The following CELF5 variants were observed in gnomAD, a reference collection of about 807,000 sequenced individuals.
The protein encoded by CELF5 is CUGBP Elav-like family member 5.
Under a neutral mutation model 54.9 loss-of-function variants are expected in CELF5, and 6 were observed. The observed-to-expected ratio is 0.11, with a 90% CI of 0.06 to 0.22. The LOEUF (loss-of-function observed/expected upper bound fraction) is 0.22. Ranked by LOEUF, CELF5 falls within the 10% of genes least tolerant of loss-of-function variation. The pLI is 1.00. For missense variants in CELF5, 401 were observed against 678.6 expected (o/e 0.59, Z 4.54); for synonymous variants, 271 against 290.9 (o/e 0.93, Z 0.70).
intron 1 of CELF5, among the ~76,000 whole-genome samples, chr19:3,246,321 G>T (rs2079566153): frequency 1.3e-5 from 2 of 151,514 alleles, no homozygotes. Flanking sequence ...CTGAGATTGC[G>T]CCACTGCACT....
At chr19:3,250,949 G>C in intron 1 of CELF5, 36 bp from the exon 2 acceptor site, 2 of 1,515,894 alleles carry the variant, frequency 1.3e-6, no homozygotes, top group Non-Finnish European at 1.8e-6. Context: ...GGGTGTGCCC[G>C]TGCTCTCTTA....
chr19:3,250,292 T>G lies in CELF5; in HGVS notation c.260-693T>G, dbSNP rs186830122. ...TCACGAGGTCAGGAGATCGAGACCATCCTGGCTAACACGGTGAAACCCCGC... is the reference window on the plus strand; with the variant it reads ...TCACGAGGTCAGGAGATCGAGACCAGCCTGGCTAACACGGTGAAACCCCGC... On this transcript the variant is annotated intron_variant, in intron 1 of 12. Coordinates refer to ENST00000292672, the MANE Select transcript of CELF5 (RefSeq NM_021938.4). Among the ~76,000 whole-genome samples the G allele has an allele frequency of 4.2e-4, 64 of 152,138 alleles. 1 individual carries two copies. The East Asian group carries it at 0.011, about 27-fold the overall frequency.
Position 3,278,421 on chromosome 19 carries a change from A to ATG in CELF5, c.603+322_603+323dup, listed in dbSNP as rs770017532. Among the ~76,000 whole-genome samples, 27 of 151,330 alleles carry ATG rather than the reference A, an allele frequency of 1.8e-4. No homozygotes were observed. The highest frequency in any genetic ancestry group is 3.8e-4 in the Non-Finnish European group (26 of 67,796). ...TGTGAGTGTGCCCGAGACTGCATGC[A>ATG]TGTGTGTGTGTGAGTGCGTGTTTGA... is the stretch of plus-strand genomic sequence containing the variant. On this transcript the variant is annotated intron_variant, in intron 5 of 12. Coordinates refer to ENST00000292672, the MANE Select transcript of CELF5 (RefSeq NM_021938.4). The surrounding 1 kb of genome is among the most constrained non-coding windows in gnomAD (Gnocchi z 4.5).
intron 2 of CELF5, among the ~76,000 whole-genome samples, chr19:3,254,988 C>A (rs2145077323): frequency 6.6e-6 from 1 of 151,758 alleles, no homozygotes; most frequent in African/African-American, 2.4e-5. Flanking sequence ...ATCCTCCCAT[C>A]CACCCACACA....
Position 3,275,364 on chromosome 19 carries a change from G to A in CELF5, c.395-492G>A, listed in dbSNP as rs1322872838. Among the ~76,000 whole-genome samples the A allele has an allele frequency of 6.6e-6, 1 of 152,234 alleles. No homozygotes were observed. The highest frequency in any genetic ancestry group is 6.5e-5 in the Admixed American group (1 of 15,284). On this transcript the variant is annotated intron_variant, in intron 3 of 12. Transcript: ENST00000292672. This position sits in a 1 kb window ranked among gnomAD's most constrained non-coding sequence, Gnocchi z 6.7. ...GCCCCTCTTGATCCCGACAAAGTTG[G>A]GCAGGGGCCTCTGCTGGGCACCGTG...
In CELF5 at chr19:3,284,979, G is replaced by A. The variant is rs1448451708; in HGVS notation, c.1102+15G>A. The A allele has an allele frequency of 1.3e-5, 21 of 1,563,384 alleles. No individual in the cohort carries two copies. The highest frequency in any genetic ancestry group is 1.8e-5 in the Non-Finnish European group (21 of 1,139,650). ...GCAGTACACAGGTAGGAGGCAGCCC[G>A]CGTGCCCGCGCTGGGCCCTGGCCCC... On this transcript the variant is annotated intron_variant, in intron 9 of 12. Transcript: ENST00000292672.
At chr19:3,286,124 G>A (rs996150307) in intron 10 of CELF5, 99 bp downstream of exon 10, 1 of 1,091,012 alleles carries the variant, frequency 9.2e-7, no homozygotes, top group Non-Finnish European at 1.2e-6. Flanking sequence ...GGGACCCGCG[G>A]GGCTGAGAGT....
At chr19:3,237,417 A>G (rs900779523) in intron 1 of CELF5, among the ~76,000 whole-genome samples, 1 of 151,626 alleles carries the variant, frequency 6.6e-6, no homozygotes, top group Non-Finnish European at 1.5e-5. Context: ...CTCCTTGACC[A>G]TATGCTAAAC....
intron 1 of CELF5, among the ~76,000 whole-genome samples, chr19:3,244,182 T>A (rs1389533373): frequency 1.3e-5 from 2 of 151,788 alleles, no homozygotes; most frequent in African/African-American, 4.8e-5. Flanking sequence ...ACGGAAGCCA[T>A]AAGGAAGATT....
chr19:3,275,105 G>T lies in CELF5; in HGVS notation c.395-751G>T, dbSNP rs1161196701. The stretch of plus-strand genomic sequence containing the variant: ...CCATGAGTGACAGCTGCCGAGAGCG[G>T]TTTCCATAGTAACCCAGCTCACCGT... On this transcript the variant is annotated intron_variant, in intron 3 of 12. Transcript: ENST00000292672. The surrounding 1 kb of genome is among the most constrained non-coding windows in gnomAD (Gnocchi z 6.7). Among the ~76,000 whole-genome samples, 4 of 152,026 alleles carry T rather than the reference G, an allele frequency of 2.6e-5. No homozygotes were observed. Among genetic ancestry groups the T allele is most frequent in the Non-Finnish European group, 5.9e-5 (4 of 68,016 alleles).
At chr19:3,240,280 G>C (rs897432883) in intron 1 of CELF5, among the ~76,000 whole-genome samples, 1 of 151,888 alleles carries the variant, frequency 6.6e-6, no homozygotes, top group Non-Finnish European at 1.5e-5. Context: ...GCCTCCCAAA[G>C]TGCTGGTATT....
chr19:3,282,123 C>T lies in CELF5; in HGVS notation c.751-3C>T, dbSNP rs1199721184. 1 of 1,614,076 alleles carries T rather than the reference C, an allele frequency of 6.2e-7. No individual in the cohort carries two copies. Among genetic ancestry groups the T allele is most frequent in the African/African-American group, 1.3e-5 (1 of 74,932 alleles). ...CCCAACTGTGACATGTCTTCACCCC[C>T]AGCTCATGCAACAGCAGACAACAGT... On this transcript the variant is annotated splice_region_variant and splice_polypyrimidine_tract_variant and intron_variant, in intron 6 of 12. Coordinates refer to ENST00000292672, the MANE Select transcript of CELF5 (RefSeq NM_021938.4). This position sits in a 1 kb window ranked among gnomAD's most constrained non-coding sequence, Gnocchi z 5.2.
intron 1 of CELF5, among the ~76,000 whole-genome samples, chr19:3,248,905 CCTTTCTTT>C (rs796237924): frequency 4.5e-3 from 427 of 94,160 alleles, no homozygotes; most frequent in African/African-American, 0.014. Flanking sequence ...TTCCTTCCTT[CCTTTCTTT>C]CTTTCTTTCT....
intron 1 of CELF5, chr19:3,225,706 C>T (rs917781665): frequency 2.1e-5 from 10 of 473,638 alleles, no homozygotes; most frequent in African/African-American, 2.1e-4. Context: ...AGGCTCCCGT[C>T]GCTGCCCACC....
Position 3,258,290 on chromosome 19 carries a change from A to ATT in CELF5, c.342+7233_342+7234dup, listed in dbSNP as rs574738460. 6.3e-3 allele frequency among the ~76,000 whole-genome samples: 892 copies of ATT among 142,324 alleles called. 10 individuals are homozygous for ATT. Among genetic ancestry groups the ATT allele is most frequent in the African/African-American group, 0.021 (824 of 38,500 alleles). 93.4% of individuals were successfully genotyped at this position (142,324 alleles called of 152,430 possible). A position where few individuals can be genotyped will look rare whatever the true frequency, so the allele number is the denominator to read the frequency against. The stretch of plus-strand genomic sequence containing the variant: ...TTTTAAATTTTAAATTTTTGATTTA[A>ATT]TTTTTTTTTTTGTAGAGACAGTGGT... On this transcript the variant is annotated intron_variant, in intron 2 of 12. Transcript: ENST00000292672.
chr19:3,256,870 A>G (rs564455424), intron 2 of CELF5, among the ~76,000 whole-genome samples: 26 of 151,044 alleles, frequency 1.7e-4, no homozygotes, highest in African/African-American at 5.8e-4. Context: ...ACCTGGCCTT[A>G]TTATTTTTTT....
At position 3,247,558 on chromosome 19, in the gene CELF5, G is replaced by A. The variant is rs562691375; in HGVS notation, c.260-3427G>A. On this transcript the variant is annotated intron_variant, in intron 1 of 12. Transcript: ENST00000292672. Reference sequence around the variant, plus strand: ...ATTACAGGCATGAGCCACTGCGCCCGGTCTCTCTTTCTATGTCTCGACCCA... The same window carrying A: ...ATTACAGGCATGAGCCACTGCGCCCAGTCTCTCTTTCTATGTCTCGACCCA... Among the ~76,000 whole-genome samples the A allele has an allele frequency of 9.8e-4, 148 of 151,210 alleles. 1 individual carries two copies. Among genetic ancestry groups the A allele is most frequent in the African/African-American group, 3.4e-3 (142 of 41,302 alleles).
chr19:3,295,798 T>G (rs1336331752), intron 12 of CELF5: 1 of 151,988 alleles, frequency 6.6e-6, no homozygotes, highest in East Asian at 1.9e-4. Flanking sequence ...CCTGCCCGAG[T>G]CATAGCCTTA....
intron 1 of CELF5, among the ~76,000 whole-genome samples, chr19:3,247,005 C>T (rs1188599211): frequency 1.3e-5 from 2 of 152,184 alleles, no homozygotes; most frequent in African/African-American, 4.8e-5. Context: ...ACGTGATGCG[C>T]ACATGGTGGG....
Sources: gnomAD v4.1 joint callset for allele counts (sites outside exome capture counted in the v4.1 genomes callset) on GRCh38, gnomAD v4.1.1 for gene constraint, Gnocchi (gnomAD v3.1) non-coding constraint, MANE v1.5 for transcripts, NCBI Gene and HGNC (gene_info 2026-07-23, HGNC 2026-07-21) for gene names.